The following UBASH3B variants were observed in gnomAD, a reference collection of about 807,000 sequenced individuals.
The protein encoded by UBASH3B is ubiquitin associated and SH3 domain containing B.
Under a neutral mutation model 83.4 loss-of-function variants are expected in UBASH3B, and 37 were observed. The observed-to-expected ratio is 0.44, with a 90% CI of 0.34 to 0.58. The LOEUF (loss-of-function observed/expected upper bound fraction) is 0.58, where lower values mean the gene tolerates loss of function less well. Among genes scored for constraint, UBASH3B ranks in the 20% least tolerant of loss-of-function variants. The probability of loss-of-function intolerance (pLI) is 0.01; values close to 1 mark genes in which losing one functional copy is unlikely to be tolerated. For synonymous variants in UBASH3B, 304 were observed against 318.3 expected, an observed-to-expected ratio of 0.96 and a Z score of 0.48; for missense variants, 657 against 827.2, an observed-to-expected ratio of 0.79 and a Z score of 2.52.
intron 1 of UBASH3B, among the ~76,000 whole-genome samples, chr11:122,756,585 G>A (rs568468251): frequency 1.3e-5 from 2 of 152,254 alleles, no homozygotes; most frequent in South Asian, 4.1e-4. Context: ...AAAGGCTGTG[G>A]TGCCCCAGTG....
Position 122,812,605 on chromosome 11 carries a change from A to G in UBASH3B, c.*2719A>G, listed in dbSNP as rs1291778066. On this transcript the variant is annotated 3_prime_UTR_variant, in exon 14 of 14. Transcript: ENST00000284273. Reference sequence around the variant, plus strand: ...ACAGAGGAATTTTGTTTTAATGTAGAAAGTTATTTGAAATAAACTAGGTGA... The same window carrying G: ...ACAGAGGAATTTTGTTTTAATGTAGGAAGTTATTTGAAATAAACTAGGTGA... The G allele has an allele frequency of 6.6e-6, 1 of 152,270 alleles. No homozygotes were observed. The highest frequency in any genetic ancestry group is 1.5e-5 in the Non-Finnish European group (1 of 68,048). The allele number at this position is 152,270 out of a possible 1,614,324, so 9.4% of individuals were successfully genotyped here. A position where few individuals can be genotyped will look rare whatever the true frequency, so the allele number is the denominator to read the frequency against.
At chr11:122,789,046 C>A (rs536141803) in intron 5 of UBASH3B, 54 bp from the exon 6 acceptor site, 3 of 1,518,128 alleles carry the variant, frequency 2.0e-6, no homozygotes, top group Non-Finnish European at 2.7e-6. Context: ...GCCCTCAAGG[C>A]GCTCAGGAGA....
intron 1 of UBASH3B, among the ~76,000 whole-genome samples, chr11:122,713,232 G>A (rs990325710): frequency 2.0e-5 from 3 of 152,108 alleles, no homozygotes; most frequent in Non-Finnish European, 4.4e-5. Context: ...TCACACAGAG[G>A]AGTTGAGGCT....
In UBASH3B at chr11:122,655,873, C is replaced by T; in HGVS notation, c.-177C>T. The T allele has an allele frequency of 1.5e-6, 1 of 683,848 alleles. No individual in the cohort carries two copies. The highest frequency in any genetic ancestry group is 2.2e-6 in the Non-Finnish European group (1 of 446,250). The allele number at this position is 683,848 out of a possible 1,614,324, so 42.4% of individuals were successfully genotyped here. ...GCCGGCGTTCTGGCTCCTGTGGCCT[C>T]ACCAGGAAGCGTCAGAGTCCCGACA... On this transcript the variant is annotated 5_prime_UTR_variant, in exon 1 of 14. Transcript: ENST00000284273.
chr11:122,682,306 A>G (rs986676483), intron 1 of UBASH3B, among the ~76,000 whole-genome samples: 2 of 152,148 alleles, frequency 1.3e-5, no homozygotes, highest in Non-Finnish European at 2.9e-5. Context: ...GCTGCCTCTC[A>G]CCGTCCAGTA....
At chr11:122,710,629 C>T (rs907533989) in intron 1 of UBASH3B, among the ~76,000 whole-genome samples, 3 of 151,244 alleles carry the variant, frequency 2.0e-5, no homozygotes, top group South Asian at 2.1e-4. Context: ...TAGCTAATGC[C>T]GATATAGCCA....
rs774321801 is a variant in UBASH3B, at chr11:122,794,758, T to C, written c.1037T>C (p.Val346Ala). The C allele has an allele frequency of 6.2e-7, 1 of 1,614,040 alleles. No individual in the cohort carries two copies. Among genetic ancestry groups the C allele is most frequent in the East Asian group, 2.2e-5 (1 of 44,880 alleles). Residue 346 changes from valine to alanine, a missense_variant, in exon 7 of 14, where the codon GTA (valine) becomes GCA (alanine). Physicochemically the swap from Val to Ala is moderately conservative, Grantham distance 64 (BLOSUM62 0). Transcript: ENST00000284273. The part of the protein sequence containing the change: ...SSNSLTFGDG[V>A]LERRPYEDQG... ...AACTCTCTCACGTTTGGGGATGGAG[T>C]ATTGGAGAGGCGGCCTTATGAGGAC... is the stretch of plus-strand genomic sequence containing the variant.
At chr11:122,736,810 G>A (rs1288346874) in intron 1 of UBASH3B, among the ~76,000 whole-genome samples, 5 of 152,122 alleles carry the variant, frequency 3.3e-5, no homozygotes, top group Non-Finnish European at 7.3e-5. Flanking sequence ...AGCTACTTGG[G>A]AGGCTGAGGA....
chr11:122,806,462 A>T lies in UBASH3B; in HGVS notation c.1648A>T (p.Ile550Phe). ...TGTTTCAGAATCCTATGATACTTAT[A>T]TCAGTAGAAGTTTCCAAGTAACAAA... ...LVVSESYDTYISRSFQVTKEI... is the reference protein window; with the variant it reads ...LVVSESYDTYFSRSFQVTKEI... Residue 550 changes from isoleucine (I) to phenylalanine (F), a missense_variant, in exon 12 of 14, where the codon ATC becomes TTC. Ile to Phe is a conservative substitution (Grantham distance 21, BLOSUM62 0). Transcript: ENST00000284273. The surrounding 1 kb of genome is among the most constrained non-coding windows in gnomAD (Gnocchi z 4.0). 6.2e-7 allele frequency: 1 copy of T among 1,607,628 alleles called. No individual in the cohort carries two copies.
intron 5 of UBASH3B, among the ~76,000 whole-genome samples, chr11:122,786,780 T>C (rs1860962224): frequency 6.6e-6 from 1 of 152,252 alleles, no homozygotes; most frequent in Non-Finnish European, 1.5e-5. Context: ...TTGTATCTGC[T>C]TTTGGTGAGT....
At chr11:122,689,761 G>A (rs1308709272) in intron 1 of UBASH3B, among the ~76,000 whole-genome samples, 1 of 152,178 alleles carries the variant, frequency 6.6e-6, no homozygotes, top group African/African-American at 2.4e-5. Flanking sequence ...TTCAAGTTGG[G>A]AGTTACCACA....
intron 1 of UBASH3B, among the ~76,000 whole-genome samples, chr11:122,673,868 C>A (rs964979942): frequency 8.5e-5 from 13 of 152,206 alleles, no homozygotes; most frequent in Non-Finnish European, 1.8e-4. Flanking sequence ...CAAATTTCTT[C>A]AGCCTTTCTC....
chr11:122,677,781 A>AGC (rs1565525923), intron 1 of UBASH3B, among the ~76,000 whole-genome samples: 3 of 151,748 alleles, frequency 2.0e-5, no homozygotes, highest in Admixed American at 1.3e-4. Context: ...TAAGGGTACT[A>AGC]TTGCTTTTGA....
At chr11:122,753,197 A>G (rs1974428) in intron 1 of UBASH3B, among the ~76,000 whole-genome samples, 2 of 151,346 alleles carry the variant, frequency 1.3e-5, no homozygotes, top group South Asian at 4.2e-4. Flanking sequence ...TAACCCCAGC[A>G]TTTTGGGAGG....
rs1178023555 is a variant in UBASH3B at position 122,777,224 on chromosome 11, C to A, written c.402+14C>A. The A allele has an allele frequency of 3.1e-6, 5 of 1,600,722 alleles. No homozygotes were observed. Reference sequence around the variant, plus strand: ...CAGTTCTTTATGGTGAGCGGCAGCGCCCCCACCCCTGGGAAGCCTGGCTCC... The same window carrying A: ...CAGTTCTTTATGGTGAGCGGCAGCGACCCCACCCCTGGGAAGCCTGGCTCC... On this transcript the variant is annotated intron_variant, in intron 3 of 13. Transcript: ENST00000284273.
chr11:122,791,991 T>G (rs1322877054), intron 6 of UBASH3B, among the ~76,000 whole-genome samples: 1 of 152,184 alleles, frequency 6.6e-6, no homozygotes. Flanking sequence ...CTTGAGATGT[T>G]CTGGATGTCA....
intron 1 of UBASH3B, among the ~76,000 whole-genome samples, chr11:122,684,845 G>A (rs928252805): frequency 3.3e-5 from 5 of 152,128 alleles, no homozygotes; most frequent in African/African-American, 7.2e-5. Flanking sequence ...TGATCCACCC[G>A]CCTTGGCCTC....
chr11:122,707,495 C>G (rs376882133), intron 1 of UBASH3B, among the ~76,000 whole-genome samples: 91 of 152,182 alleles, frequency 6.0e-4, no homozygotes, highest in African/African-American at 2.0e-3. Flanking sequence ...TTTGAATGAG[C>G]CTTCTTTCTC....
chr11:122,780,475 G>C (rs993212336), intron 4 of UBASH3B, among the ~76,000 whole-genome samples: 1 of 152,198 alleles, frequency 6.6e-6, no homozygotes, highest in Non-Finnish European at 1.5e-5. Flanking sequence ...TCTGGTGGGG[G>C]GAGAGCCTCT....
Sources: allele counts gnomAD v4.1 joint callset (sites outside exome capture counted in the v4.1 genomes callset), GRCh38; gene constraint gnomAD v4.1.1; non-coding constraint Gnocchi (gnomAD v3.1); transcripts MANE v1.5; gene names NCBI Gene and HGNC (gene_info 2026-07-23, HGNC 2026-07-21).